The following DUSP29 variants were observed in gnomAD, a reference collection of about 807,000 sequenced individuals.
DUSP29 encodes the protein atypical dual-specific protein phosphatase.
In DUSP29, 12 loss-of-function variants were observed where a neutral mutation model predicts 13.5. That is an observed-to-expected ratio of 0.89 (90% CI 0.57 to 1.44). The LOEUF (loss-of-function observed/expected upper bound fraction) is 1.44, where lower values mean the gene tolerates loss of function less well. Ranked by LOEUF, DUSP29 falls within the 40% of genes most tolerant of loss-of-function variation. The probability of loss-of-function intolerance (pLI) is 0.00; values close to 1 mark genes in which losing one functional copy is unlikely to be tolerated. For synonymous variants in DUSP29, 134 were observed against 128.7 expected (o/e 1.04, Z -0.28); for missense variants, 308 against 301.1 (o/e 1.02, Z -0.17).
At chr10:75,059,248 G>A (rs1847034623) in intron 1 of DUSP29, among the ~76,000 whole-genome samples, 1 of 152,228 alleles carries the variant, frequency 6.6e-6, no homozygotes, top group Non-Finnish European at 1.5e-5. Context: ...AGACTGAAAT[G>A]TGCATTTGGA....
At chr10:75,065,477 C>T (rs1018382776) in intron 1 of DUSP29, among the ~76,000 whole-genome samples, 3 of 152,014 alleles carry the variant, frequency 2.0e-5, no homozygotes, top group East Asian at 3.9e-4. Context: ...TACAGGCACC[C>T]GCCACCCCAC....
chr10:75,057,836 A>T (rs1362244770), intron 2 of DUSP29, among the ~76,000 whole-genome samples: 1 of 152,208 alleles, frequency 6.6e-6, no homozygotes, highest in African/African-American at 2.4e-5. Flanking sequence ...AAAATAAAAG[A>T]CTACATTTCC....
At chr10:75,055,802 C>G (rs900191148) in intron 2 of DUSP29, among the ~76,000 whole-genome samples, 5 of 152,184 alleles carry the variant, frequency 3.3e-5, no homozygotes, top group African/African-American at 1.2e-4. Flanking sequence ...TTTCTGTACA[C>G]CCCTCTCCTT....
chr10:75,050,063 C>T (rs1047689897), intron 2 of DUSP29, among the ~76,000 whole-genome samples: 6 of 152,192 alleles, frequency 3.9e-5, no homozygotes, highest in South Asian at 2.1e-4. Context: ...CTCCGACACC[C>T]GCATTGTGGA....
chr10:75,040,382 T>C (rs1846556697), intron 3 of DUSP29, among the ~76,000 whole-genome samples: 1 of 152,228 alleles, frequency 6.6e-6, no homozygotes, highest in African/African-American at 2.4e-5. Flanking sequence ...CTTTAGCGCC[T>C]CGTGGCATTT....
intron 2 of DUSP29, among the ~76,000 whole-genome samples, chr10:75,053,125 C>A (rs972673705): frequency 5.9e-5 from 9 of 152,224 alleles, no homozygotes; most frequent in Non-Finnish European, 1.2e-4. Context: ...AGAATCATTG[C>A]TGTGGCCGGC....
At chr10:75,072,106 C>A (rs1344961807) in intron 1 of DUSP29, among the ~76,000 whole-genome samples, 1 of 152,214 alleles carries the variant, frequency 6.6e-6, no homozygotes, top group Non-Finnish European at 1.5e-5. Context: ...ACCTTGCACT[C>A]TTCTCCAAGC....
rs187727576 is a variant in DUSP29 at position 75,049,225 on chromosome 10, A to C, written c.201-5208T>G. ...GCATGATTTGTATTGTTATTTCCTT[A>C]GTTTTCAGGAGAGACCATTGTAAAG... On this transcript the variant is annotated intron_variant, in intron 2 of 3. Coordinates refer to ENST00000338487, the MANE Select transcript of DUSP29 (RefSeq NM_001003892.3). 3.5e-4 allele frequency among the ~76,000 whole-genome samples: 54 copies of C among 152,228 alleles called. No individual in the cohort carries two copies. In the East Asian group the frequency reaches 8.7e-3, roughly 24 times the overall value.
chr10:75,057,295 G>GA (rs920555843), intron 2 of DUSP29, among the ~76,000 whole-genome samples: 5 of 151,640 alleles, frequency 3.3e-5, no homozygotes, highest in Non-Finnish European at 5.9e-5. Context: ...AAAAGAAAAA[G>GA]AAAAAAAATA....
intron 2 of DUSP29, among the ~76,000 whole-genome samples, chr10:75,055,648 A>G (rs926628866): frequency 7.4e-4 from 113 of 152,332 alleles, no homozygotes; most frequent in African/African-American, 2.6e-3. Flanking sequence ...TGACAAAAAT[A>G]TTCTGAAATT....
intron 1 of DUSP29, among the ~76,000 whole-genome samples, chr10:75,072,872 C>T (rs56126796): frequency 0.1 from 15,476 of 152,016 alleles, 1,036 homozygotes; most frequent in South Asian, 0.3. Flanking sequence ...TGGTCTGAGA[C>T]GCAGGCCCGT....
chr10:75,042,502 C>A (rs1281024370), intron 3 of DUSP29, among the ~76,000 whole-genome samples: 1 of 152,208 alleles, frequency 6.6e-6, no homozygotes, highest in Non-Finnish European at 1.5e-5. Context: ...AGAATGTACA[C>A]AGCACAAAAG....
chr10:75,058,646 T>C (rs1480377239), intron 1 of DUSP29, 98 bp from the exon 2 acceptor site: 10 of 1,065,126 alleles, frequency 9.4e-6, no homozygotes, highest in Non-Finnish European at 1.3e-5. Flanking sequence ...ATCTTAAAAT[T>C]TGGAAAGAGT....
chr10:75,047,357 A>G (rs1296363912), intron 2 of DUSP29, among the ~76,000 whole-genome samples: 1 of 152,018 alleles, frequency 6.6e-6, no homozygotes, highest in African/African-American at 2.4e-5. Context: ...CATCACAGAC[A>G]CCCATCGTCC....
intron 1 of DUSP29, among the ~76,000 whole-genome samples, chr10:75,072,258 C>T (rs1230588471): frequency 1.3e-5 from 2 of 152,166 alleles, no homozygotes; most frequent in Non-Finnish European, 2.9e-5. Context: ...AAAGAGCACC[C>T]TGTAACACAC....
chr10:75,057,132 A>T (rs1214235159), intron 2 of DUSP29, among the ~76,000 whole-genome samples: 3 of 151,920 alleles, frequency 2.0e-5, no homozygotes, highest in African/African-American at 7.3e-5. Context: ...AAAATTAGCC[A>T]GGTGTGGAGG....
intron 2 of DUSP29, among the ~76,000 whole-genome samples, chr10:75,047,021 G>C (rs928795325): frequency 6.6e-6 from 1 of 152,190 alleles, no homozygotes; most frequent in East Asian, 1.9e-4. Context: ...CTTTTGGGGA[G>C]CGGGATAGAT....
At chr10:75,072,598 C>T (rs1029515129) in intron 1 of DUSP29, among the ~76,000 whole-genome samples, 1 of 152,042 alleles carries the variant, frequency 6.6e-6, no homozygotes, top group Non-Finnish European at 1.5e-5. Context: ...ATGATATTCT[C>T]ATGATGAGAA....
At chr10:75,048,241 C>CA (rs200656719) in intron 2 of DUSP29, among the ~76,000 whole-genome samples, 3 of 150,408 alleles carry the variant, frequency 2.0e-5, no homozygotes, top group Non-Finnish European at 4.4e-5. Context: ...ATTTCATAGA[C>CA]AAAAAAAATT....
Sources: allele counts gnomAD v4.1 joint callset (sites outside exome capture counted in the v4.1 genomes callset), GRCh38; gene constraint gnomAD v4.1.1; transcripts MANE v1.5; gene names NCBI Gene and HGNC (gene_info 2026-07-23, HGNC 2026-07-21).